Variants in DLG2 observed in about 807,000 individuals in gnomAD.
The protein encoded by DLG2 is disks large homolog 2.
A neutral mutation model predicts 132.5 loss-of-function variants in DLG2; 45 were observed. The ratio of observed to expected loss-of-function variants is 0.34; its 90% CI spans 0.27 to 0.44. The LOEUF (loss-of-function observed/expected upper bound fraction) is 0.44, where lower values mean the gene tolerates loss of function less well. Ranked by LOEUF, DLG2 falls within the 20% of genes least tolerant of loss-of-function variation. The probability of loss-of-function intolerance (pLI) is 1.00; values close to 1 mark genes in which losing one functional copy is unlikely to be tolerated. For synonymous variants in DLG2, 424 were observed against 419.6 expected (o/e 1.01, Z -0.13); for missense variants, 1,045 against 1,196.9 (o/e 0.87, Z 1.87).
chr11:85,393,711 T>C (rs2087018154), intron 3 of DLG2, among the ~76,000 whole-genome samples: 1 of 151,644 alleles, frequency 6.6e-6, no homozygotes, highest in African/African-American at 2.4e-5. Flanking sequence ...TATGGCCAAG[T>C]GGTATTCTAT....
chr11:84,539,005 G>A (rs2099361878), intron 6 of DLG2, among the ~76,000 whole-genome samples: 1 of 152,044 alleles, frequency 6.6e-6, no homozygotes, highest in Non-Finnish European at 1.5e-5. Flanking sequence ...CAAAGGTACT[G>A]ATTTATAACA....
intron 19 of DLG2, among the ~76,000 whole-genome samples, chr11:83,567,264 GT>G (rs2096725028): frequency 6.6e-6 from 1 of 152,132 alleles, no homozygotes; most frequent in African/African-American, 2.4e-5. Flanking sequence ...GCCAAGTCAT[GT>G]TTTCTTTGCA....
At chr11:84,300,225 A>C (rs369161503) in intron 7 of DLG2, among the ~76,000 whole-genome samples, 1 of 152,158 alleles carries the variant, frequency 6.6e-6, no homozygotes, top group African/African-American at 2.4e-5. Flanking sequence ...TCTTACTGTC[A>C]ATTTAATGTC....
intron 3 of DLG2, among the ~76,000 whole-genome samples, chr11:85,354,347 C>T (rs1007428911): frequency 6.6e-6 from 1 of 152,134 alleles, no homozygotes; most frequent in Admixed American, 6.6e-5. Flanking sequence ...ATATTACCTA[C>T]ATTTATTTAT....
chr11:85,211,813 AGT>A (rs2082272699), intron 4 of DLG2, among the ~76,000 whole-genome samples: 1 of 152,112 alleles, frequency 6.6e-6, no homozygotes, highest in South Asian at 2.1e-4. Flanking sequence ...AGTTACCAAA[AGT>A]GTAATTTATT....
chr11:84,993,638 T>G (rs969123303), intron 6 of DLG2, among the ~76,000 whole-genome samples: 1 of 152,040 alleles, frequency 6.6e-6, no homozygotes, highest in African/African-American at 2.4e-5. Flanking sequence ...CAGCAGAAGT[T>G]TATTACCTGT....
chr11:84,614,768 G>A (rs1211996497), intron 6 of DLG2, among the ~76,000 whole-genome samples: 2 of 152,118 alleles, frequency 1.3e-5, no homozygotes, highest in Non-Finnish European at 2.9e-5. Context: ...ATAAGATGAA[G>A]AATGCTATAT....
At position 84,879,751 on chromosome 11, in the gene DLG2, C is replaced by T. The variant is rs548526387; in HGVS notation, c.357+231910G>A. On this transcript the variant is annotated intron_variant, in intron 6 of 27. Coordinates refer to ENST00000376104, the MANE Select transcript of DLG2 (RefSeq NM_001142699.3). ...TCAGAATCATATGTATGTCATCTATCAAAAATAGAGGACCACTACTGTTCA... is the reference window on the plus strand; with the variant it reads ...TCAGAATCATATGTATGTCATCTATTAAAAATAGAGGACCACTACTGTTCA... Among the ~76,000 whole-genome samples the T allele has an allele frequency of 5.3e-5, 8 of 152,140 alleles. No homozygotes were observed. The East Asian group carries it at 1.2e-3, about 22-fold the overall frequency.
intron 9 of DLG2, among the ~76,000 whole-genome samples, chr11:84,152,880 T>C (rs1282675008): frequency 6.6e-6 from 1 of 152,212 alleles, no homozygotes; most frequent in East Asian, 1.9e-4. Flanking sequence ...TATGAAGTTT[T>C]GATACTGTCA....
At chr11:84,378,910 C>T (rs2098739761) in intron 7 of DLG2, among the ~76,000 whole-genome samples, 1 of 151,902 alleles carries the variant, frequency 6.6e-6, no homozygotes, top group South Asian at 2.1e-4. Flanking sequence ...CGCGCCACTT[C>T]ACTCCAGCCT....
chr11:85,579,400 A>G, intron 3 of DLG2, among the ~76,000 whole-genome samples: 1 of 151,844 alleles, frequency 6.6e-6, no homozygotes, highest in East Asian at 1.9e-4. Flanking sequence ...GTTAAATTTA[A>G]AAAAAAAGAG....
intron 6 of DLG2, among the ~76,000 whole-genome samples, chr11:85,105,680 C>A (rs2071618467): frequency 6.6e-6 from 1 of 151,928 alleles, no homozygotes; most frequent in South Asian, 2.1e-4. Flanking sequence ...CTGATAATAT[C>A]CTGGCTTCGA....
At chr11:83,685,438 C>G (rs2079565201) in intron 18 of DLG2, among the ~76,000 whole-genome samples, 1 of 152,112 alleles carries the variant, frequency 6.6e-6, no homozygotes, top group Non-Finnish European at 1.5e-5. Context: ...CCATTCCCAG[C>G]ATTTGGCAGA....
At chr11:83,958,638 G>C (rs1211638194) in intron 14 of DLG2, among the ~76,000 whole-genome samples, 3 of 151,964 alleles carry the variant, frequency 2.0e-5, no homozygotes, top group Non-Finnish European at 2.9e-5. Flanking sequence ...AGTACTGTTT[G>C]CATATCCTAA....
At chr11:84,217,704 T>C (rs1389710044) in intron 8 of DLG2, among the ~76,000 whole-genome samples, 1 of 152,238 alleles carries the variant, frequency 6.6e-6, no homozygotes, top group Non-Finnish European at 1.5e-5. Context: ...CATTCCATGC[T>C]GGATTGCTCA....
chr11:83,717,645 G>C (rs1215175222), intron 18 of DLG2, among the ~76,000 whole-genome samples: 3 of 152,196 alleles, frequency 2.0e-5, no homozygotes, highest in Admixed American at 1.3e-4. Context: ...AAACACAGGG[G>C]GAAAAAAGTA....
chr11:85,298,639 G>C (rs1357884392), intron 3 of DLG2, among the ~76,000 whole-genome samples: 1 of 151,900 alleles, frequency 6.6e-6, no homozygotes, highest in East Asian at 1.9e-4. Context: ...CATCTAACTG[G>C]GACATCTGTT....
At chr11:83,590,347 C>T (rs1400051013) in intron 19 of DLG2, among the ~76,000 whole-genome samples, 16 of 152,068 alleles carry the variant, frequency 1.1e-4, no homozygotes, top group African/African-American at 2.2e-4. Flanking sequence ...CACTCAAAAC[C>T]GCTCAACTAC....
intron 19 of DLG2, among the ~76,000 whole-genome samples, chr11:83,563,768 G>C (rs1040095889): frequency 6.6e-6 from 1 of 152,148 alleles, no homozygotes; most frequent in Non-Finnish European, 1.5e-5. Context: ...TTAAAAATGA[G>C]AGCTTATCTT....
Sources: gnomAD v4.1 joint callset for allele counts (sites outside exome capture counted in the v4.1 genomes callset) on GRCh38, gnomAD v4.1.1 for gene constraint, MANE v1.5 for transcripts, NCBI Gene and HGNC (gene_info 2026-07-23, HGNC 2026-07-21) for gene names.